Variants in PIANP observed in about 807,000 individuals in gnomAD.
PIANP encodes the protein PILR alpha-associated neural protein.
A neutral mutation model predicts 28.9 loss-of-function variants in PIANP; 14 were observed. The observed-to-expected ratio is 0.49, with a 90% confidence interval of 0.32 to 0.76. PIANP has a LOEUF of 0.76. Ranked by LOEUF, PIANP falls within the 30% of genes least tolerant of loss-of-function variation. PIANP has a pLI of 0.03. For missense variants in PIANP, 322 were observed against 371.8 expected, an observed-to-expected ratio of 0.87 and a Z score of 1.10; for synonymous variants, 149 against 156.6, an observed-to-expected ratio of 0.95 and a Z score of 0.36.
rs1175971825 is a variant in PIANP at position 6,697,370 on chromosome 12, G to A, written c.440C>T (p.Ser147Phe). ...AAGCCCATCTCCATCACCTCGCATG[G>A]AGTCTGAGTTGGGGTGTGGGGTTGC... ...GLATPHPNSD[S>F]MRGDGDGLIL... The change falls in exon 3 of 5, where the codon TCC (serine) becomes TTC (phenylalanine). Residue 147 changes from serine to phenylalanine, a missense_variant. By Grantham distance (155) the Ser-to-Phe change is radical. Transcript: ENST00000534837. The surrounding 1 kb of genome is among the most constrained non-coding windows in gnomAD (Gnocchi z 6.9). 6 of 1,614,056 alleles carry A rather than the reference G, an allele frequency of 3.7e-6. No homozygotes were observed. Among genetic ancestry groups the A allele is most frequent in the Non-Finnish European group, 8.5e-7 (1 of 1,179,904 alleles).
At chr12:6,692,339 C>A (rs1285376332), downstream of PIANP, among the ~76,000 whole-genome samples, 1 of 152,230 alleles carries the variant, frequency 6.6e-6, no homozygotes, top group East Asian at 1.9e-4. Context: ...GAAGAGAGAT[C>A]CTTGCTGAAG....
chr12:6,697,990 A>G lies in PIANP; in HGVS notation c.17+55T>C, dbSNP rs1592450289. 5 of 1,548,858 alleles carry G rather than the reference A, an allele frequency of 3.2e-6. No individual in the cohort carries two copies. The East Asian group carries it at 1.2e-4, about 38-fold the overall frequency. On this transcript the variant is annotated intron_variant, in intron 2 of 4. Coordinates refer to ENST00000534837, the MANE Select transcript of PIANP (RefSeq NM_001244014.2). The surrounding 1 kb of genome is among the most constrained non-coding windows in gnomAD (Gnocchi z 6.9). ...CTCTGGATGGGTCTAGGAAGGAAGGAGTCATGGCCCCAGGGAATGTGGTCT... is the reference window on the plus strand; with the variant it reads ...CTCTGGATGGGTCTAGGAAGGAAGGGGTCATGGCCCCAGGGAATGTGGTCT...
Position 6,694,331 on chromosome 12 carries a change from G to A in PIANP, c.*1095C>T, listed in dbSNP as rs1959778959. The A allele has an allele frequency of 6.5e-6, 1 of 152,700 alleles. No homozygotes were observed. Among genetic ancestry groups the A allele is most frequent in the African/African-American group, 2.4e-5 (1 of 41,436 alleles). The allele number at this position is 152,700 out of a possible 1,614,324, so 9.5% of individuals were successfully genotyped here. A position where few individuals can be genotyped will look rare whatever the true frequency, so the allele number is the denominator to read the frequency against. On this transcript the variant is annotated 3_prime_UTR_variant, in exon 5 of 5. Transcript: ENST00000534837. The surrounding 1 kb of genome is among the most constrained non-coding windows in gnomAD (Gnocchi z 6.1). ...CTGTCAGAAAACAGATTTTAGCAGTGGGCTGGGGGTGAAGTCTGGGGCCTC... is the reference window on the plus strand; with the variant it reads ...CTGTCAGAAAACAGATTTTAGCAGTAGGCTGGGGGTGAAGTCTGGGGCCTC...
rs1310353558 is a variant in PIANP at position 6,699,010 on chromosome 12, A to G, written c.-43-906T>C. Among the ~76,000 whole-genome samples the G allele has an allele frequency of 2.0e-5, 3 of 152,222 alleles. No homozygotes were observed. The East Asian group carries it at 5.8e-4, about 29-fold the overall frequency. ...TGTAATCCTAGCACTTTGGGAAGCCAAGGCGGGTGGATCACCTGAGATCAG... is the reference window on the plus strand; with the variant it reads ...TGTAATCCTAGCACTTTGGGAAGCCGAGGCGGGTGGATCACCTGAGATCAG... On this transcript the variant is annotated intron_variant, in intron 1 of 4. Coordinates refer to ENST00000534837, the MANE Select transcript of PIANP (RefSeq NM_001244014.2).
In PIANP at chr12:6,697,266, C is replaced by T. The variant is rs1346522700; in HGVS notation, c.523+21G>A. 2 of 1,612,616 alleles carry T rather than the reference C, an allele frequency of 1.2e-6. No homozygotes were observed. The highest frequency in any genetic ancestry group is 1.7e-5 in the Admixed American group (1 of 59,622). ...CCCAGCCTCCCCATCCGTCATATCCCTCCCAGCCTTTCCCACTCACCTTCC... is the reference window on the plus strand; with the variant it reads ...CCCAGCCTCCCCATCCGTCATATCCTTCCCAGCCTTTCCCACTCACCTTCC... On this transcript the variant is annotated intron_variant, in intron 3 of 4. Transcript: ENST00000534837. The surrounding 1 kb of genome is among the most constrained non-coding windows in gnomAD (Gnocchi z 6.9).
chr12:6,696,910 G>A lies in PIANP; in HGVS notation c.523+377C>T, dbSNP rs760496290. 6.6e-6 allele frequency among the ~76,000 whole-genome samples: 1 copy of A among 152,108 alleles called. No homozygotes were observed. Among genetic ancestry groups the A allele is most frequent in the Admixed American group, 6.5e-5 (1 of 15,270 alleles). ...CTCCCTGAGCCAAGACATCTCCCGG[G>A]TAGTGCCCTTCATTCATGGCATTCT... On this transcript the variant is annotated intron_variant, in intron 3 of 4. Coordinates refer to ENST00000534837, the MANE Select transcript of PIANP (RefSeq NM_001244014.2). The surrounding 1 kb of genome is among the most constrained non-coding windows in gnomAD (Gnocchi z 4.0).
In PIANP at chr12:6,697,978, T is replaced by C. The variant is rs1409097362; in HGVS notation, c.17+67A>G. 9 of 1,545,010 alleles carry C rather than the reference T, an allele frequency of 5.8e-6. No homozygotes were observed. The highest frequency in any genetic ancestry group is 2.4e-5 in the East Asian group (1 of 40,986). On this transcript the variant is annotated intron_variant, in intron 2 of 4. Coordinates refer to ENST00000534837, the MANE Select transcript of PIANP (RefSeq NM_001244014.2). The surrounding 1 kb of genome is among the most constrained non-coding windows in gnomAD (Gnocchi z 6.9). ...AGGATGGGAAGGCTCTGGATGGGTCTAGGAAGGAAGGAGTCATGGCCCCAG... is the reference window on the plus strand; with the variant it reads ...AGGATGGGAAGGCTCTGGATGGGTCCAGGAAGGAAGGAGTCATGGCCCCAG...
At position 6,695,831 on chromosome 12, in the gene PIANP, C is replaced by T. The variant is rs1321684121; in HGVS notation, c.606-180G>A. Among the ~76,000 whole-genome samples, 1 of 152,138 alleles carries T rather than the reference C, an allele frequency of 6.6e-6. No individual in the cohort carries two copies. The highest frequency in any genetic ancestry group is 1.5e-5 in the Non-Finnish European group (1 of 68,014). ...GACTCTGTGCCCATAAAGCCACTTCCCCTGCCCTCTAGGGGAGCTTGGTAA... is the reference window on the plus strand; with the variant it reads ...GACTCTGTGCCCATAAAGCCACTTCTCCTGCCCTCTAGGGGAGCTTGGTAA... On this transcript the variant is annotated intron_variant, in intron 4 of 4. Coordinates refer to ENST00000534837, the MANE Select transcript of PIANP (RefSeq NM_001244014.2). This position sits in a 1 kb window ranked among gnomAD's most constrained non-coding sequence, Gnocchi z 4.2.
intron 1 of PIANP, chr12:6,698,536 G>A (rs1319134389): frequency 5.6e-6 from 1 of 179,516 alleles, no homozygotes; most frequent in East Asian, 1.7e-4. Context: ...GTACGTGCAG[G>A]GGGGCCCTTC....
rs1304157357 is a variant in PIANP at position 6,697,608 on chromosome 12, T to C, written c.202A>G (p.Ser68Gly). The change falls in exon 3 of 5, where the codon AGC becomes GGC. Residue 68 changes from serine (S) to glycine (G), a missense_variant. Physicochemically the swap from Ser to Gly is moderately conservative, Grantham distance 56. Coordinates refer to ENST00000534837, the MANE Select transcript of PIANP (RefSeq NM_001244014.2). The surrounding 1 kb of genome is among the most constrained non-coding windows in gnomAD (Gnocchi z 6.9). ...GATCTTGGGACCCGAGGAGATCGGC[T>C]TGGTGGAGGTGCTCGCTCCCACACG... ...VCVWERAPPP[S>G]RSPRVPRSRR... 6 of 1,571,038 alleles carry C rather than the reference T, an allele frequency of 3.8e-6. No homozygotes were observed. Among genetic ancestry groups the C allele is most frequent in the South Asian group, 3.5e-5 (3 of 86,120 alleles).
rs1017351658 is a variant in PIANP at position 6,695,601 on chromosome 12, A to G, written c.656T>C (p.Leu219Pro). The G allele has an allele frequency of 5.0e-6, 8 of 1,585,600 alleles. No individual in the cohort carries two copies. The highest frequency in any genetic ancestry group is 2.3e-5 in the East Asian group (1 of 42,846). The stretch of plus-strand genomic sequence containing the variant: ...TGGCTGCTGGCTCTCCTCCTGCCTC[A>G]GGGCACCTTGCTGCCCTGAGGGTCT... The part of the protein sequence containing the change: ...RRRPSGQQGA[L>P]RQEESQQPLT... The change falls in exon 5 of 5, where the codon CTG (leucine) becomes CCG (proline). Residue 219 changes from leucine to proline, a missense_variant. Coordinates refer to ENST00000534837, the MANE Select transcript of PIANP (RefSeq NM_001244014.2). This position sits in a 1 kb window ranked among gnomAD's most constrained non-coding sequence, Gnocchi z 4.2.
In PIANP at chr12:6,697,507, T is replaced by C. The variant is rs769382524; in HGVS notation, c.303A>G (p.Gln101=). The C allele has an allele frequency of 5.1e-5, 82 of 1,613,356 alleles. No individual in the cohort carries two copies. The South Asian group carries it at 8.0e-4, about 16-fold the overall frequency. ...GACCCCACACGATAGCCCAGGGGTA[T>C]TGGGATGAGGGCGGCCCCTCCTCAA... The part of the protein sequence containing the change: ...SGFEEGPPSS[Q]YPWAIVWGPT... Residue 101 remains glutamine, a synonymous_variant, in exon 3 of 5, where the codon CAA becomes CAG. Transcript: ENST00000534837. The surrounding 1 kb of genome is among the most constrained non-coding windows in gnomAD (Gnocchi z 6.9).
rs1212769258 is a variant in PIANP, at chr12:6,696,924, T to G, written c.523+363A>C. 6.6e-6 allele frequency among the ~76,000 whole-genome samples: 1 copy of G among 152,094 alleles called. No homozygotes were observed. Among genetic ancestry groups the G allele is most frequent in the Non-Finnish European group, 1.5e-5 (1 of 68,006 alleles). ...ACATCTCCCGGGTAGTGCCCTTCAT[T>G]CATGGCATTCTCTGCCCAGAATACT... On this transcript the variant is annotated intron_variant, in intron 3 of 4. Coordinates refer to ENST00000534837, the MANE Select transcript of PIANP (RefSeq NM_001244014.2). The surrounding 1 kb of genome is among the most constrained non-coding windows in gnomAD (Gnocchi z 4.0).
At chr12:6,692,227 A>C (rs996785646), downstream of PIANP, among the ~76,000 whole-genome samples, 11 of 152,232 alleles carry the variant, frequency 7.2e-5, no homozygotes, top group African/African-American at 2.7e-4. Flanking sequence ...TTAAATTTAG[A>C]GAAACAGTGG....
At position 6,697,212 on chromosome 12, in the gene PIANP, G is replaced by C; in HGVS notation, c.523+75C>G. The C allele has an allele frequency of 6.4e-7, 1 of 1,564,824 alleles. No individual in the cohort carries two copies. Among genetic ancestry groups the C allele is most frequent in the South Asian group, 1.2e-5 (1 of 84,032 alleles). On this transcript the variant is annotated intron_variant, in intron 3 of 4. Coordinates refer to ENST00000534837, the MANE Select transcript of PIANP (RefSeq NM_001244014.2). This position sits in a 1 kb window ranked among gnomAD's most constrained non-coding sequence, Gnocchi z 6.9. ...TTTGTTGAAGGAGCTAACAGACAAG[G>C]CCTCTATTTCTGCCCCTTGGTGTCT...
At position 6,695,295 on chromosome 12, in the gene PIANP, C is replaced by G. The variant is rs1959818401; in HGVS notation, c.*131G>C. The G allele has an allele frequency of 7.1e-6, 10 of 1,404,728 alleles. No individual in the cohort carries two copies. In the South Asian group the frequency reaches 1.4e-4, roughly 20 times the overall value. 87.0% of individuals were successfully genotyped at this position (1,404,728 alleles called of 1,614,324 possible). The stretch of plus-strand genomic sequence containing the variant: ...TCCCAGAGAGGAGCTGGTCCAGCCC[C>G]CTTGGGAGGGCCAGGGGCTGTGGGA... On this transcript the variant is annotated 3_prime_UTR_variant, in exon 5 of 5. Transcript: ENST00000534837. The surrounding 1 kb of genome is among the most constrained non-coding windows in gnomAD (Gnocchi z 4.2).
Position 6,695,428 on chromosome 12 carries a change from AC to A in PIANP, c.828del (p.Ter277GlufsTer16). ...CTCCCATCCCATTGCCCCTGCCCTCACCGGTTCAACTGGAAGGCTGGAGCCC... is the reference window on the plus strand; with the variant it reads ...CTCCCATCCCATTGCCCCTGCCCTCACGGTTCAACTGGAAGGCTGGAGCCC... ...PKGAPAFQLN[R>X] On this transcript the variant is annotated frameshift_variant, in exon 5 of 5. Transcript: ENST00000534837. LOFTEE classifies it high-confidence loss of function. The surrounding 1 kb of genome is among the most constrained non-coding windows in gnomAD (Gnocchi z 4.2). 1.3e-6 allele frequency: 2 copies of A among 1,488,132 alleles called. No homozygotes were observed. Among genetic ancestry groups the A allele is most frequent in the Non-Finnish European group, 1.8e-6 (2 of 1,119,388 alleles). 92.2% of individuals were successfully genotyped at this position (1,488,132 alleles called of 1,614,324 possible).
At chr12:6,692,845 C>G (rs1374485735), downstream of PIANP, among the ~76,000 whole-genome samples, 1 of 152,194 alleles carries the variant, frequency 6.6e-6, no homozygotes. Context: ...CACAGTAAAG[C>G]TCCCAACACC....
At chr12:6,692,934 A>G (rs116037566), downstream of PIANP, among the ~76,000 whole-genome samples, 1,311 of 152,242 alleles carry the variant, frequency 8.6e-3, 24 homozygotes, top group African/African-American at 0.028. Context: ...TCCAGTCCAG[A>G]GCAGCCCAGG....
Sources: gnomAD v4.1 joint callset for allele counts (sites outside exome capture counted in the v4.1 genomes callset) on GRCh38, gnomAD v4.1.1 for gene constraint, Gnocchi (gnomAD v3.1) non-coding constraint, MANE v1.5 for transcripts, NCBI Gene and HGNC (gene_info 2026-07-23, HGNC 2026-07-21) for gene names.